FRMD4A: variants seen among roughly 807,000 people sequenced by gnomAD.
The protein encoded by FRMD4A is FERM domain containing 4A.
In FRMD4A, 29 loss-of-function variants were observed where a neutral mutation model predicts 129.1. That is an observed-to-expected ratio of 0.22 (90% CI 0.17 to 0.31). The LOEUF is 0.31. FRMD4A is among the 10% of genes least tolerant of loss of function. The pLI is 1.00. For missense variants in FRMD4A, 1,272 were observed against 1,375.8 expected (o/e 0.92, Z 1.19); for synonymous variants, 634 against 571.6 (o/e 1.11, Z -1.56).
At chr10:13,757,604 T>A (rs1480731025) in intron 8 of FRMD4A, among the ~76,000 whole-genome samples, 1 of 152,238 alleles carries the variant, frequency 6.6e-6, no homozygotes, top group African/African-American at 2.4e-5. Flanking sequence ...AGAATAAGCC[T>A]TCAGGCATCT....
At chr10:14,128,970 C>T (rs912641473) in intron 2 of FRMD4A, among the ~76,000 whole-genome samples, 6 of 152,130 alleles carry the variant, frequency 3.9e-5, no homozygotes, top group African/African-American at 1.4e-4. Context: ...GAGACAGACT[C>T]AACTATGTAT....
Position 13,866,048 on chromosome 10 carries a change from A to G in FRMD4A, c.46-7136T>C, listed in dbSNP as rs143139604. On this transcript the variant is annotated intron_variant, in intron 2 of 24. Coordinates refer to ENST00000357447, the MANE Select transcript of FRMD4A (RefSeq NM_018027.5). ...AAAGCAAGCCACCACGTTGTTTCTG[A>G]TATTCATTTTTGAGACAATAAATTT... is the stretch of plus-strand genomic sequence containing the variant. 5.0e-3 allele frequency among the ~76,000 whole-genome samples: 769 copies of G among 152,282 alleles called. 2 individuals carry two copies. The highest frequency in any genetic ancestry group is 8.2e-3 in the Admixed American group (125 of 15,304).
At chr10:13,686,846 C>G (rs1203163839) in intron 15 of FRMD4A, among the ~76,000 whole-genome samples, 1 of 152,218 alleles carries the variant, frequency 6.6e-6, no homozygotes, top group Admixed American at 6.5e-5. Flanking sequence ...AGAAATGCTG[C>G]AGTCCCATTT....
At chr10:14,114,581 C>T (rs537391495) in intron 2 of FRMD4A, among the ~76,000 whole-genome samples, 1 of 152,274 alleles carries the variant, frequency 6.6e-6, no homozygotes, top group East Asian at 1.9e-4. Context: ...ATGACCACTG[C>T]AAATTTGACA....
intron 4 of FRMD4A, among the ~76,000 whole-genome samples, chr10:13,805,604 A>G (rs967693326): frequency 1.3e-5 from 2 of 152,068 alleles, no homozygotes; most frequent in Non-Finnish European, 2.9e-5. Flanking sequence ...ATAGCTTAAA[A>G]GTTGGTTAGT....
At chr10:14,199,578 C>T (rs1842573197) in intron 2 of FRMD4A, among the ~76,000 whole-genome samples, 1 of 152,052 alleles carries the variant, frequency 6.6e-6, no homozygotes, top group African/African-American at 2.4e-5. Flanking sequence ...TTAGTAGAGA[C>T]AGGGTTTTGC....
At chr10:13,779,662 C>T (rs1259783525) in intron 6 of FRMD4A, among the ~76,000 whole-genome samples, 1 of 152,060 alleles carries the variant, frequency 6.6e-6, no homozygotes, top group Non-Finnish European at 1.5e-5. Context: ...TCTTCCGCTT[C>T]TTGTTAATTA....
chr10:13,776,773 A>G (rs1369249399), intron 6 of FRMD4A, among the ~76,000 whole-genome samples: 6 of 152,166 alleles, frequency 3.9e-5, no homozygotes, highest in Non-Finnish European at 8.8e-5. Flanking sequence ...TACTAAACCT[A>G]CGCTGGGTAA....
At chr10:14,237,023 T>G (rs1323049378) in intron 2 of FRMD4A, among the ~76,000 whole-genome samples, 1 of 73,272 alleles carries the variant, frequency 1.4e-5, no homozygotes, top group African/African-American at 5.5e-5. Flanking sequence ...AAAAAAAAAA[T>G]CGGTTTTTAA....
intron 5 of FRMD4A, among the ~76,000 whole-genome samples, chr10:13,783,331 T>G (rs938928610): frequency 6.6e-6 from 1 of 152,222 alleles, no homozygotes; most frequent in African/African-American, 2.4e-5. Flanking sequence ...ATGTTATTTG[T>G]TTTCATCACA....
intron 2 of FRMD4A, among the ~76,000 whole-genome samples, chr10:13,861,283 T>C (rs1369947351): frequency 6.6e-6 from 1 of 152,174 alleles, no homozygotes; most frequent in East Asian, 1.9e-4. Context: ...AAAGATAGTC[T>C]CTTCTCTTCT....
At chr10:13,748,270 C>T (rs922938921) in intron 8 of FRMD4A, among the ~76,000 whole-genome samples, 5 of 152,192 alleles carry the variant, frequency 3.3e-5, no homozygotes, top group Admixed American at 6.5e-5. Flanking sequence ...AGAGCATTTG[C>T]GCTGCTAATA....
chr10:14,154,419 T>C (rs925386687), intron 2 of FRMD4A, among the ~76,000 whole-genome samples: 6 of 152,196 alleles, frequency 3.9e-5, no homozygotes, highest in South Asian at 2.1e-4. Flanking sequence ...TCACTTTAAA[T>C]GTATGATGTA....
rs117406113 is a variant in FRMD4A at position 14,292,237 on chromosome 10, C to A, written c.45+37821G>T. Among the ~76,000 whole-genome samples the A allele has an allele frequency of 1.1e-4, 16 of 152,284 alleles. No homozygotes were observed. In the East Asian group the frequency reaches 3.1e-3, roughly 29 times the overall value. The stretch of plus-strand genomic sequence containing the variant: ...TGGAAGGAGGATTCGTCTTGCAGAT[C>A]TCATGCATTTTATGAAGCTATAGTA... On this transcript the variant is annotated intron_variant, in intron 2 of 24. Coordinates refer to ENST00000357447, the MANE Select transcript of FRMD4A (RefSeq NM_018027.5).
intron 2 of FRMD4A, among the ~76,000 whole-genome samples, chr10:13,889,360 A>G (rs1274263918): frequency 6.6e-6 from 1 of 152,246 alleles, no homozygotes; most frequent in Non-Finnish European, 1.5e-5. Flanking sequence ...AGAACCAAGC[A>G]AGGAGTCACT....
intron 2 of FRMD4A, among the ~76,000 whole-genome samples, chr10:14,039,578 T>C (rs1245444339): frequency 6.6e-6 from 1 of 152,110 alleles, no homozygotes; most frequent in Non-Finnish European, 1.5e-5. Context: ...GGGAATGGCT[T>C]AGGCTAAACC....
intron 2 of FRMD4A, among the ~76,000 whole-genome samples, chr10:14,184,125 C>CTTTTTTTTTTTTTTTTTTTTTTTTTTTTT (rs58858936): frequency 1.5e-5 from 1 of 64,640 alleles, no homozygotes; most frequent in Non-Finnish European, 2.8e-5. Flanking sequence ...CTTTTCTTTT[C>CTTTTTTTTTTTTTTTTTTTTTTTTTTTTT]TTTTTTTTTT....
At position 13,856,068 on chromosome 10, in the gene FRMD4A, A is replaced by G. The variant is rs529900207; in HGVS notation, c.111+2779T>C. On this transcript the variant is annotated intron_variant, in intron 3 of 24. Coordinates refer to ENST00000357447, the MANE Select transcript of FRMD4A (RefSeq NM_018027.5). ...TATCTATCTATCTATCTATGTATAC[A>G]TAGATACACGCACTATCAATGCCTA... is the stretch of plus-strand genomic sequence containing the variant. Among the ~76,000 whole-genome samples the G allele has an allele frequency of 2.0e-5, 3 of 152,022 alleles. No homozygotes were observed. In the East Asian group the frequency reaches 5.8e-4, roughly 29 times the overall value.
intron 2 of FRMD4A, among the ~76,000 whole-genome samples, chr10:14,124,679 T>TACAACA (rs367833993): frequency 1.6e-4 from 25 of 151,894 alleles, no homozygotes; most frequent in African/African-American, 6.0e-4. Context: ...TTGTCTCAAC[T>TACAACA]ACAACAACAA....
Sources: allele counts gnomAD v4.1 joint callset (sites outside exome capture counted in the v4.1 genomes callset), GRCh38; gene constraint gnomAD v4.1.1; transcripts MANE v1.5; gene names NCBI Gene and HGNC (gene_info 2026-07-23, HGNC 2026-07-21).